PDE1A: variants seen among roughly 807,000 people sequenced by gnomAD.
The protein encoded by PDE1A is phosphodiesterase 1A.
A neutral mutation model predicts 61.7 loss-of-function variants in PDE1A; 35 were observed. The ratio of observed to expected loss-of-function variants is 0.57; its 90% CI spans 0.43 to 0.75. The LOEUF (loss-of-function observed/expected upper bound fraction) is 0.75. Ranked by LOEUF, PDE1A falls within the 30% of genes least tolerant of loss-of-function variation. PDE1A has a pLI of 0.00. For synonymous variants in PDE1A, 232 were observed against 213.2 expected (o/e 1.09, Z -0.77); for missense variants, 597 against 630.6 (o/e 0.95, Z 0.57).
At chr2:182,313,575 C>G (rs1467882287) in intron 1 of PDE1A, among the ~76,000 whole-genome samples, 1 of 152,154 alleles carries the variant, frequency 6.6e-6, no homozygotes, top group East Asian at 1.9e-4. Flanking sequence ...GAGCAGACAT[C>G]TTTAACTTGT....
At chr2:182,514,504 G>T (rs991630314) in intron 2 of PDE1A, among the ~76,000 whole-genome samples, 1 of 151,960 alleles carries the variant, frequency 6.6e-6, no homozygotes, top group Non-Finnish European at 1.5e-5. Context: ...ACAGAATAGA[G>T]AACCCCAAAA....
At chr2:182,363,110 G>A (rs181537468) in intron 1 of PDE1A, among the ~76,000 whole-genome samples, 1 of 151,770 alleles carries the variant, frequency 6.6e-6, no homozygotes, top group South Asian at 2.1e-4. Context: ...TAACTAAAGG[G>A]TACTAGGCTT....
chr2:182,643,319 T>C, the PDE1A span, among the ~76,000 whole-genome samples: 93,575 of 151,998 alleles, frequency 0.62, 29,047 homozygotes, highest in Admixed American at 0.71. Flanking sequence ...AATTGCCTGG[T>C]ACGGCACAGG....
At chr2:182,429,062 T>C (rs1703786897), upstream of PDE1A, among the ~76,000 whole-genome samples, 3 of 152,122 alleles carry the variant, frequency 2.0e-5, no homozygotes, top group African/African-American at 7.2e-5. Context: ...TAGGTTTATA[T>C]TCTTTTTTCT....
At chr2:182,273,649 C>CT (rs1375120354) in intron 1 of PDE1A, among the ~76,000 whole-genome samples, 1 of 151,742 alleles carries the variant, frequency 6.6e-6, no homozygotes, top group African/African-American at 2.4e-5. Flanking sequence ...TTTCTTTTTT[C>CT]TTTTTGCAAA....
intron 2 of PDE1A, among the ~76,000 whole-genome samples, chr2:182,450,266 C>T (rs1484099835): frequency 1.3e-5 from 2 of 151,914 alleles, no homozygotes; most frequent in Admixed American, 6.6e-5. Context: ...GTGACACCAA[C>T]AAAATTTACT....
chr2:182,454,779 G>T lies in PDE1A; in HGVS notation c.101+67497C>A, dbSNP rs60640256. On this transcript the variant is annotated intron_variant, in intron 2 of 14. Coordinates refer to the PDE1A transcript ENST00000410103. Reference sequence around the variant, plus strand: ...ATACAAAAATTAATTCAAGATGGATGAAAGACTTACATGTTAGACCTAAAA... The same window carrying T: ...ATACAAAAATTAATTCAAGATGGATTAAAGACTTACATGTTAGACCTAAAA... Among the ~76,000 whole-genome samples the T allele has an allele frequency of 8.8e-3, 1,340 of 152,036 alleles. 14 individuals are homozygous for T. The highest frequency in any genetic ancestry group is 0.031 in the African/African-American group (1,268 of 41,484).
At chr2:182,395,335 T>C (rs899804820) in intron 1 of PDE1A, among the ~76,000 whole-genome samples, 1 of 152,224 alleles carries the variant, frequency 6.6e-6, no homozygotes, top group Non-Finnish European at 1.5e-5. Context: ...ATCCATTATA[T>C]CGATGACAGT....
the PDE1A span, among the ~76,000 whole-genome samples, chr2:182,658,419 A>G: frequency 6.6e-6 from 1 of 152,232 alleles, no homozygotes; most frequent in African/African-American, 2.4e-5. Flanking sequence ...CATTATATTT[A>G]GAGCCTACTC....
At chr2:182,613,657 T>A in the PDE1A span, among the ~76,000 whole-genome samples, 1 of 152,138 alleles carries the variant, frequency 6.6e-6, no homozygotes, top group Non-Finnish European at 1.5e-5. Context: ...CTTAAGTCAA[T>A]AAAAGATCAA....
At chr2:182,378,638 C>T (rs958803362) in intron 1 of PDE1A, among the ~76,000 whole-genome samples, 2 of 152,154 alleles carry the variant, frequency 1.3e-5, no homozygotes, top group African/African-American at 2.4e-5. Context: ...CACTTAGACC[C>T]GTTTGCATGT....
chr2:182,484,488 C>A (rs1559503788), intron 2 of PDE1A, among the ~76,000 whole-genome samples: 1 of 151,714 alleles, frequency 6.6e-6, no homozygotes, highest in Non-Finnish European at 1.5e-5. Flanking sequence ...CAAAAGCAAT[C>A]GCAACAAAAC....
the PDE1A span, among the ~76,000 whole-genome samples, chr2:182,574,728 G>C: frequency 1.3e-5 from 2 of 152,226 alleles, no homozygotes; most frequent in East Asian, 1.9e-4. Context: ...GTCTCACTCT[G>C]TTGCCTAGGC....
chr2:182,242,899 C>CTCTCT lies in PDE1A; in HGVS notation c.168-2608_168-2607insAGAGA, dbSNP rs1690647447. On this transcript the variant is annotated intron_variant, in intron 2 of 13. Transcript: ENST00000351439. ...CCTCTCCTCCCTCTCTCTCTCTCTC[C>CTCTCT]CTCTCTCTCTCTCTCTCTCTCTCTC... 2.9e-5 allele frequency among the ~76,000 whole-genome samples: 3 copies of CTCTCT among 103,752 alleles called. No individual in the cohort carries two copies. In the East Asian group the frequency reaches 8.2e-4, roughly 28 times the overall value. The allele number at this position is 103,752 out of a possible 152,430, so 68.1% of individuals were successfully genotyped here.
At chr2:182,703,867 T>C in the PDE1A span, among the ~76,000 whole-genome samples, 246 of 152,200 alleles carry the variant, frequency 1.6e-3, no homozygotes, top group Non-Finnish European at 2.9e-3. Context: ...CTTGTGGCCA[T>C]GGTTACAGGA....
chr2:182,476,438 C>G (rs926630220), intron 2 of PDE1A, among the ~76,000 whole-genome samples: 2 of 151,954 alleles, frequency 1.3e-5, no homozygotes, highest in Non-Finnish European at 2.9e-5. Flanking sequence ...TTTCAGTGAG[C>G]TGAGATCCCC....
chr2:182,238,378 G>A (rs565589230), intron 3 of PDE1A, among the ~76,000 whole-genome samples: 2 of 152,046 alleles, frequency 1.3e-5, no homozygotes, highest in South Asian at 2.1e-4. Context: ...AGGAGGAGAG[G>A]AGCCCAGTTA....
At chr2:182,199,668 T>C (rs994051082) in intron 10 of PDE1A, among the ~76,000 whole-genome samples, 1 of 152,146 alleles carries the variant, frequency 6.6e-6, no homozygotes, top group Non-Finnish European at 1.5e-5. Context: ...TAATTGACCA[T>C]AATAAGCAGT....
intron 3 of PDE1A, among the ~76,000 whole-genome samples, chr2:182,237,050 G>C (rs1690076141): frequency 6.6e-6 from 1 of 152,152 alleles, no homozygotes; most frequent in Non-Finnish European, 1.5e-5. Flanking sequence ...TCACACTTTA[G>C]TAAACAGGTG....
Sources: allele counts gnomAD v4.1 joint callset (sites outside exome capture counted in the v4.1 genomes callset), GRCh38; gene constraint gnomAD v4.1.1; transcripts MANE v1.5; gene names NCBI Gene and HGNC (gene_info 2026-07-23, HGNC 2026-07-21).